Variants in KLHL12 observed in about 807,000 individuals in gnomAD.
KLHL12 encodes kelch-like protein 12.
A neutral mutation model predicts 60.8 loss-of-function variants in KLHL12; 17 were observed. That is an observed-to-expected ratio of 0.28 (90% CI 0.19 to 0.42). The LOEUF is 0.42. Ranked by LOEUF, KLHL12 falls within the 10% of genes least tolerant of loss-of-function variation. KLHL12 has a pLI of 1.00. For missense variants in KLHL12, 468 were observed against 722.3 expected (o/e 0.65, Z 4.04); for synonymous variants, 220 against 250.9 (o/e 0.88, Z 1.16).
intron 4 of KLHL12, among the ~76,000 whole-genome samples, chr1:202,916,488 T>C (rs934204593): frequency 6.6e-6 from 1 of 152,110 alleles, no homozygotes; most frequent in Admixed American, 6.5e-5. Flanking sequence ...CTGCTAAAAA[T>C]ACAAAAATTA....
Position 202,895,652 on chromosome 1 carries a change from A to G in KLHL12, c.1005T>C (p.Gly335=). Reference sequence around the variant, plus strand: ...TAAGGCGGGAACGGCCATCATAGCCACCAATGACGTAGATCCGGTCATGAA... The same window carrying G: ...TAAGGCGGGAACGGCCATCATAGCCGCCAATGACGTAGATCCGGTCATGAA... ...VSLHDRIYVI[G]GYDGRSRLSS... Residue 335 remains glycine (G), a synonymous_variant, in exon 8 of 12, where the codon GGT becomes GGC. Coordinates refer to ENST00000367261, the MANE Select transcript of KLHL12 (RefSeq NM_021633.4). This position sits in a 1 kb window ranked among gnomAD's most constrained non-coding sequence, Gnocchi z 4.2. 1 of 1,614,104 alleles carries G rather than the reference A, an allele frequency of 6.2e-7. No individual in the cohort carries two copies. The highest frequency in any genetic ancestry group is 8.5e-7 in the Non-Finnish European group (1 of 1,179,992).
intron 2 of KLHL12, among the ~76,000 whole-genome samples, chr1:202,922,446 AAG>A (rs968977771): frequency 4.6e-5 from 7 of 151,464 alleles, no homozygotes; most frequent in South Asian, 2.1e-4. Context: ...AAAAAAAAAA[AAG>A]AGAGAGCGAT....
intron 6 of KLHL12, among the ~76,000 whole-genome samples, chr1:202,898,090 G>A (rs1029447069): frequency 1.3e-5 from 2 of 151,956 alleles, no homozygotes; most frequent in Non-Finnish European, 2.9e-5. Context: ...GGCTTTTGGA[G>A]ACAGGGTCTT....
chr1:202,911,842 A>C, intron 4 of KLHL12: 1 of 804,506 alleles, frequency 1.2e-6, no homozygotes, highest in Non-Finnish European at 2.2e-6. Flanking sequence ...TAAAGAGCCC[A>C]AACAGCTGAG....
intron 6 of KLHL12, among the ~76,000 whole-genome samples, chr1:202,908,779 T>C (rs1660270528): frequency 6.6e-6 from 1 of 152,252 alleles, no homozygotes; most frequent in East Asian, 1.9e-4. Flanking sequence ...AAAGTGCTTT[T>C]ATATTTTATC....
chr1:202,894,488 G>T, intron 9 of KLHL12, 103 bp downstream of exon 9: 2 of 1,186,814 alleles, frequency 1.7e-6, no homozygotes, highest in South Asian at 1.3e-5. Context: ...CAGGGTTTTA[G>T]TTGAAGGGAA....
At chr1:202,894,539 C>T (rs1226809071) in intron 9 of KLHL12, 52 bp downstream of exon 9, 6 of 1,578,082 alleles carry the variant, frequency 3.8e-6, no homozygotes, top group Non-Finnish European at 5.2e-6. Flanking sequence ...TCCTTACCCA[C>T]AGCCCATTAC....
chr1:202,894,019 G>T (rs897433934), intron 10 of KLHL12, among the ~76,000 whole-genome samples, 165 bp downstream of exon 10: 3 of 152,188 alleles, frequency 2.0e-5, no homozygotes, highest in Non-Finnish European at 2.9e-5. Flanking sequence ...TAATCTAGTT[G>T]TAAGTATCAA....
chr1:202,928,329 G>A (rs1653718555), upstream of KLHL12, among the ~76,000 whole-genome samples: 2 of 151,882 alleles, frequency 1.3e-5, no homozygotes, highest in Admixed American at 6.6e-5. Flanking sequence ...AAGGCTGGAT[G>A]TTGTGGGGTC....
At chr1:202,913,355 T>G (rs181390364) in intron 4 of KLHL12, among the ~76,000 whole-genome samples, 6 of 152,292 alleles carry the variant, frequency 3.9e-5, no homozygotes, top group African/African-American at 1.4e-4. Context: ...GGGAGATACC[T>G]TTCAGAGTGT....
In KLHL12 at chr1:202,896,845, A is replaced by G; in HGVS notation, c.939+9T>C. The stretch of plus-strand genomic sequence containing the variant: ...ATCCCTCCCAACGAATGGTTTCACC[A>G]TTATTTACTGGCAAAAAGCTCCACT... On this transcript the variant is annotated intron_variant, in intron 7 of 11. Coordinates refer to ENST00000367261, the MANE Select transcript of KLHL12 (RefSeq NM_021633.4). The G allele has an allele frequency of 6.2e-7, 1 of 1,600,284 alleles. No individual in the cohort carries two copies. Among genetic ancestry groups the G allele is most frequent in the Non-Finnish European group, 8.6e-7 (1 of 1,167,242 alleles).
At chr1:202,923,806 G>A (rs891421908) in intron 2 of KLHL12, among the ~76,000 whole-genome samples, 1 of 151,556 alleles carries the variant, frequency 6.6e-6, no homozygotes, top group Non-Finnish European at 1.5e-5. Flanking sequence ...CACAGAATAC[G>A]CCTCTCCCAT....
At chr1:202,906,020 C>T (rs1391310237) in intron 6 of KLHL12, among the ~76,000 whole-genome samples, 1 of 139,302 alleles carries the variant, frequency 7.2e-6, no homozygotes, top group African/African-American at 2.6e-5. Context: ...GGGGTTTCAC[C>T]GTGTTAGCCT....
chr1:202,895,256 G>A lies in KLHL12; in HGVS notation c.1135+266C>T, dbSNP rs371632039. 1.3e-4 allele frequency among the ~76,000 whole-genome samples: 20 copies of A among 152,166 alleles called. No individual in the cohort carries two copies. The East Asian group carries it at 2.5e-3, about 19-fold the overall frequency. On this transcript the variant is annotated intron_variant, in intron 8 of 11. Coordinates refer to ENST00000367261, the MANE Select transcript of KLHL12 (RefSeq NM_021633.4). This position sits in a 1 kb window ranked among gnomAD's most constrained non-coding sequence, Gnocchi z 4.2. ...AAAATACAAAAATATAGCTGGGCAT[G>A]GTGGTGCATGCCTGTAGTCCCAGCT...
chr1:202,918,419 G>T, intron 3 of KLHL12, 31 bp from the exon 4 acceptor site: 1 of 1,527,532 alleles, frequency 6.5e-7, no homozygotes, highest in Non-Finnish European at 9.1e-7. Flanking sequence ...AAACACTTTA[G>T]AATAGTTGGA....
At chr1:202,894,092 C>T (rs1659756305) in intron 10 of KLHL12, 92 bp downstream of exon 10, 2 of 677,050 alleles carry the variant, frequency 3.0e-6, no homozygotes, top group Non-Finnish European at 2.5e-6. Context: ...CTCATTTTTA[C>T]ATTAATCTAC....
At chr1:202,912,366 G>T in intron 4 of KLHL12, 1 of 793,782 alleles carries the variant, frequency 1.3e-6, no homozygotes, top group Non-Finnish European at 2.2e-6. Flanking sequence ...GTCAAAGTAA[G>T]AGATGGCTAG....
intron 7 of KLHL12, among the ~76,000 whole-genome samples, chr1:202,896,217 C>A (rs923345479): frequency 1.3e-5 from 2 of 152,200 alleles, no homozygotes; most frequent in East Asian, 3.9e-4. Flanking sequence ...GAGTTGGGAT[C>A]TCACTATCAC....
intron 10 of KLHL12, 34 bp downstream of exon 10, chr1:202,894,150 C>T (rs375587779): frequency 7.4e-6 from 9 of 1,219,940 alleles, no homozygotes; most frequent in African/African-American, 3.0e-5. Context: ...CTGACAGCAT[C>T]GCCTATTGTC....
Sources: allele counts gnomAD v4.1 joint callset (sites outside exome capture counted in the v4.1 genomes callset), GRCh38; gene constraint gnomAD v4.1.1; non-coding constraint Gnocchi (gnomAD v3.1); transcripts MANE v1.5; gene names NCBI Gene and HGNC (gene_info 2026-07-23, HGNC 2026-07-21).